CPQ: variants seen among roughly 807,000 people sequenced by gnomAD.
CPQ encodes the protein carboxypeptidase Q.
CPQ carries 37 observed loss-of-function variants against 45.7 expected under a neutral mutation model. That is an observed-to-expected ratio of 0.81 (90% CI 0.62 to 1.07). The LOEUF is 1.07. Among genes scored for constraint, CPQ ranks in the 50% least tolerant of loss-of-function variants. The pLI is 0.00. For synonymous variants in CPQ, 186 were observed against 205.8 expected (o/e 0.90, Z 0.82); for missense variants, 537 against 572.9 (o/e 0.94, Z 0.64).
chr8:97,079,052 C>T (rs1375768764), intron 7 of CPQ, among the ~76,000 whole-genome samples: 1 of 152,142 alleles, frequency 6.6e-6, no homozygotes, highest in Non-Finnish European at 1.5e-5. Context: ...AGTCCTCCCA[C>T]CTCGGCTGCC....
chr8:96,987,937 C>T (rs1385168797), intron 5 of CPQ, among the ~76,000 whole-genome samples: 1 of 152,180 alleles, frequency 6.6e-6, no homozygotes, highest in Non-Finnish European at 1.5e-5. Flanking sequence ...TGATGAGAGT[C>T]ATCCTGTCAC....
chr8:96,782,251 C>T (rs1810696836), intron 1 of CPQ, among the ~76,000 whole-genome samples: 1 of 152,220 alleles, frequency 6.6e-6, no homozygotes, highest in African/African-American at 2.4e-5. Flanking sequence ...AGCCATGCCT[C>T]CACAGCTTGT....
intron 7 of CPQ, among the ~76,000 whole-genome samples, chr8:97,075,332 C>T (rs1176862479): frequency 2.0e-5 from 3 of 152,118 alleles, no homozygotes; most frequent in Non-Finnish European, 4.4e-5. Context: ...AAGATTAGCT[C>T]TTCTGAGTTC....
In CPQ at chr8:97,122,977, AAAAT is replaced by A. The variant is rs1253755298; in HGVS notation, c.1256-20042_1256-20039del. On this transcript the variant is annotated intron_variant, in intron 7 of 7. Coordinates refer to ENST00000220763, the MANE Select transcript of CPQ (RefSeq NM_016134.4). ...AAAATAAAATAAAATAAAATAAAATAAAATTAAAATAAAATAAAATAAAATATAA... is the reference window on the plus strand; with the variant it reads ...AAAATAAAATAAAATAAAATAAAATATAAAATAAAATAAAATAAAATATAA... Among the ~76,000 whole-genome samples, 39 of 52,314 alleles carry A rather than the reference AAAAT, an allele frequency of 7.5e-4. 1 individual carries two copies. Among genetic ancestry groups the A allele is most frequent in the African/African-American group, 1.9e-3 (19 of 10,016 alleles). The allele number at this position is 52,314 out of a possible 152,430, so 34.3% of individuals were successfully genotyped here.
chr8:97,122,742 G>A (rs867050749), intron 7 of CPQ, among the ~76,000 whole-genome samples: 32 of 151,030 alleles, frequency 2.1e-4, no homozygotes, highest in African/African-American at 6.6e-4. Context: ...TAAATTAGCC[G>A]GACATGGTGG....
intron 1 of CPQ, among the ~76,000 whole-genome samples, chr8:96,758,125 G>T (rs770225671): frequency 2.0e-5 from 3 of 151,982 alleles, no homozygotes; most frequent in Admixed American, 1.3e-4. Flanking sequence ...CTAAATAACT[G>T]TGCTTCCACT....
intron 3 of CPQ, among the ~76,000 whole-genome samples, chr8:96,856,580 C>T (rs1811854246): frequency 6.6e-6 from 1 of 152,124 alleles, no homozygotes; most frequent in Non-Finnish European, 1.5e-5. Context: ...TCCAGAAGAG[C>T]ACCTGTTCCT....
intron 1 of CPQ, among the ~76,000 whole-genome samples, chr8:96,692,811 A>G (rs1425999532): frequency 6.6e-6 from 1 of 152,194 alleles, no homozygotes; most frequent in East Asian, 1.9e-4. Flanking sequence ...CACAAGGATC[A>G]AGACCGTCCA....
intron 7 of CPQ, among the ~76,000 whole-genome samples, chr8:97,078,795 CT>C (rs1433138201): frequency 6.6e-6 from 1 of 150,572 alleles, no homozygotes; most frequent in Non-Finnish European, 1.5e-5. Context: ...CTCTCTCTCT[CT>C]CTCTCTCTCT....
At chr8:97,123,100 TAAATAAAATAAAATAAAATAAAATAAATA>T (rs1811767829) in intron 7 of CPQ, among the ~76,000 whole-genome samples, 5 of 37,172 alleles carry the variant, frequency 1.3e-4, no homozygotes, top group African/African-American at 6.1e-4. Context: ...TAAAATAAAA[TAAATAAAATAAAATAAAATAAAATAAATA>T]AAATAAAATA....
intron 2 of CPQ, among the ~76,000 whole-genome samples, chr8:96,787,525 CTT>C (rs71267281): frequency 7.6e-4 from 36 of 47,556 alleles, no homozygotes; most frequent in African/African-American, 2.8e-3. Context: ...CTTATAATGT[CTT>C]TTTTTTTTTT....
chr8:97,040,816 G>A (rs1408025227), intron 6 of CPQ, among the ~76,000 whole-genome samples: 1 of 152,118 alleles, frequency 6.6e-6, no homozygotes, highest in Non-Finnish European at 1.5e-5. Flanking sequence ...TTATTTCTGA[G>A]GGCTCTGTTC....
At chr8:97,127,933 G>A (rs1051727806) in intron 7 of CPQ, among the ~76,000 whole-genome samples, 1 of 152,202 alleles carries the variant, frequency 6.6e-6, no homozygotes, top group East Asian at 1.9e-4. Context: ...CCCGAGACGG[G>A]GGTGGGAAGG....
At chr8:96,821,435 A>G (rs1449095434) in intron 2 of CPQ, among the ~76,000 whole-genome samples, 1 of 151,782 alleles carries the variant, frequency 6.6e-6, no homozygotes, top group African/African-American at 2.4e-5. Flanking sequence ...TTCTATTGAA[A>G]TATTTTATCC....
At chr8:96,944,288 G>A (rs1813161493) in intron 4 of CPQ, among the ~76,000 whole-genome samples, 1 of 151,978 alleles carries the variant, frequency 6.6e-6, no homozygotes, top group Non-Finnish European at 1.5e-5. Context: ...TACAGCCTTG[G>A]GTTGAGAGCT....
intron 1 of CPQ, among the ~76,000 whole-genome samples, chr8:96,702,682 T>C (rs1809479260): frequency 2.0e-5 from 3 of 152,180 alleles, no homozygotes; most frequent in Admixed American, 1.3e-4. Context: ...AAGTAACTTT[T>C]CTAAGATCAC....
At chr8:96,941,728 A>G (rs1191172329) in intron 4 of CPQ, among the ~76,000 whole-genome samples, 1 of 152,112 alleles carries the variant, frequency 6.6e-6, no homozygotes, top group Non-Finnish European at 1.5e-5. Flanking sequence ...CTTTCCTGCT[A>G]GGTATGTCAT....
At chr8:96,991,589 A>C (rs1002163917) in intron 5 of CPQ, among the ~76,000 whole-genome samples, 1 of 122,578 alleles carries the variant, frequency 8.2e-6, no homozygotes, top group African/African-American at 3.1e-5. Flanking sequence ...TAATAATAAT[A>C]ATAATAATAA....
At chr8:97,098,482 C>T (rs991344617) in intron 7 of CPQ, among the ~76,000 whole-genome samples, 2 of 152,272 alleles carry the variant, frequency 1.3e-5, no homozygotes, top group South Asian at 2.1e-4. Flanking sequence ...CCTGCTGGTC[C>T]TTACAGGAAT....
Sources: allele counts gnomAD v4.1 joint callset (sites outside exome capture counted in the v4.1 genomes callset), GRCh38; gene constraint gnomAD v4.1.1; transcripts MANE v1.5; gene names NCBI Gene and HGNC (gene_info 2026-07-23, HGNC 2026-07-21).